The following SLC25A25 variants were observed in gnomAD, a reference collection of about 807,000 sequenced individuals.
SLC25A25 encodes mitochondrial adenyl nucleotide antiporter SLC25A25.
A neutral mutation model predicts 57.7 loss-of-function variants in SLC25A25; 32 were observed. The observed-to-expected ratio is 0.55, with a 90% CI of 0.42 to 0.74. The LOEUF is 0.74. Ranked by LOEUF, SLC25A25 falls within the 30% of genes least tolerant of loss-of-function variation. The pLI, the probability that SLC25A25 is intolerant of heterozygous loss-of-function variation, is 0.00. For missense variants in SLC25A25, 556 were observed against 701.3 expected (o/e 0.79, Z 2.34); for synonymous variants, 306 against 291.2 (o/e 1.05, Z -0.52).
At position 128,101,542 on chromosome 9, in the gene SLC25A25, G is replaced by A; in HGVS notation, c.476+146G>A. The stretch of plus-strand genomic sequence containing the variant: ...GATGAATAAGTAACCCCTGTGGGAG[G>A]CCAGCCCCTCCCCAGGGTTGCAGGC... On this transcript the variant is annotated intron_variant, in intron 3 of 10. Transcript: ENST00000373069. The surrounding 1 kb of genome is among the most constrained non-coding windows in gnomAD (Gnocchi z 4.9). 2 of 826,954 alleles carry A rather than the reference G, an allele frequency of 2.4e-6. No individual in the cohort carries two copies. The highest frequency in any genetic ancestry group is 3.8e-6 in the Non-Finnish European group (2 of 531,832). The allele number at this position is 826,954 out of a possible 1,614,324, so 51.2% of individuals were successfully genotyped here. A position where few individuals can be genotyped will look rare whatever the true frequency, so the allele number is the denominator to read the frequency against.
chr9:128,107,000 G>T lies in SLC25A25; in HGVS notation c.1213-29G>T, dbSNP rs980111970. The T allele has an allele frequency of 6.8e-6, 11 of 1,608,814 alleles. No homozygotes were observed. In the African/African-American group the frequency reaches 1.5e-4, roughly 21 times the overall value. On this transcript the variant is annotated intron_variant, in intron 9 of 10. Transcript: ENST00000373069. Reference sequence around the variant, plus strand: ...TGCTGCCTCACTAGCCCTTCCTAGGGCTTATCCCATGCTCCCTTCTCCTTC... The same window carrying T: ...TGCTGCCTCACTAGCCCTTCCTAGGTCTTATCCCATGCTCCCTTCTCCTTC...
At position 128,070,549 on chromosome 9, in the gene SLC25A25, G is replaced by GT. The variant is rs772468272; in HGVS notation, c.261+1977dup. ...AGCCACCGCACCCGGCTAGAGACAG[G>GT]TTTTTTTTGTTTTGTTTTGTTTTGT... On this transcript the variant is annotated intron_variant, in intron 1 of 10. Coordinates refer to ENST00000373069, the MANE Select transcript of SLC25A25 (RefSeq NM_001330988.2). 2.1e-4 allele frequency among the ~76,000 whole-genome samples: 32 copies of GT among 151,644 alleles called. 1 individual carries two copies. The Middle Eastern group carries it at 0.02, about 97-fold the overall frequency.
intron 1 of SLC25A25, chr9:128,091,734 C>T: frequency 6.8e-7 from 1 of 1,465,084 alleles, no homozygotes; most frequent in Non-Finnish European, 9.0e-7. Flanking sequence ...CAGGAAACCG[C>T]CCCTGCATGC....
Position 128,068,375 on chromosome 9 carries a change from C to G in SLC25A25, c.56C>G (p.Ala19Gly). Residue 19 changes from alanine (A) to glycine (G), a missense_variant, in exon 1 of 11, where the codon GCC becomes GGC. Ala to Gly is a moderately conservative substitution (Grantham distance 60). Around this residue, in one of 3 missense-constraint regions of SLC25A25, gnomAD observed 248 missense variants for 273.5 expected, o/e 0.91. Coordinates refer to ENST00000373069, the MANE Select transcript of SLC25A25 (RefSeq NM_001330988.2). ...GCCTCCCCGCCGCCGGACGCCGCCGCCACCGCCGCCTCTTCGTCTGCCTCA... is the reference window on the plus strand; with the variant it reads ...GCCTCCCCGCCGCCGGACGCCGCCGGCACCGCCGCCTCTTCGTCTGCCTCA... ...CVASPPPDAAATAASSSASSP... is the reference protein window; with the variant it reads ...CVASPPPDAAGTAASSSASSP... 3 of 1,548,078 alleles carry G rather than the reference C, an allele frequency of 1.9e-6. No homozygotes were observed. The highest frequency in any genetic ancestry group is 2.6e-6 in the Non-Finnish European group (3 of 1,155,932).
Position 128,107,047 on chromosome 9 carries a change from C to CTGCA in SLC25A25, c.1232_1235dup (p.Gln412HisfsTer48). Reference sequence around the variant, plus strand: ...CTTCTAGACGCTCAAGAATGCCTGGCTGCAGCACTATGCAGTGAACAGCGC... The same window carrying CTGCA: ...CTTCTAGACGCTCAAGAATGCCTGGCTGCATGCAGCACTATGCAGTGAACAGCGC... On this transcript the variant is annotated frameshift_variant, in exon 10 of 11. Transcript: ENST00000373069. LOFTEE classifies it high-confidence loss of function. The CTGCA allele has an allele frequency of 6.2e-7, 1 of 1,614,038 alleles. No individual in the cohort carries two copies. Among genetic ancestry groups the CTGCA allele is most frequent in the Non-Finnish European group, 8.5e-7 (1 of 1,179,946 alleles).
chr9:128,082,368 G>C (rs1833174115), intron 1 of SLC25A25, among the ~76,000 whole-genome samples: 1 of 152,122 alleles, frequency 6.6e-6, no homozygotes, highest in Non-Finnish European at 1.5e-5. Flanking sequence ...AATTGTTGCT[G>C]AGTCACATCA....
intron 1 of SLC25A25, among the ~76,000 whole-genome samples, chr9:128,072,623 C>T (rs1034671845): frequency 6.6e-6 from 1 of 152,042 alleles, no homozygotes; most frequent in African/African-American, 2.4e-5. Context: ...TGGAAGTGGG[C>T]AGAGAAACCG....
In SLC25A25 at chr9:128,107,624, C is replaced by T. The variant is rs1189903596; in HGVS notation, c.*180C>T. On this transcript the variant is annotated 3_prime_UTR_variant, in exon 11 of 11. Coordinates refer to ENST00000373069, the MANE Select transcript of SLC25A25 (RefSeq NM_001330988.2). ...CAGGCCCAGGGCTTGTCCTGCTGAC[C>T]CCAGCAGACCCTCCTGTTGGTTCCA... 5 of 593,814 alleles carry T rather than the reference C, an allele frequency of 8.4e-6. No homozygotes were observed. The highest frequency in any genetic ancestry group is 1.3e-5 in the Non-Finnish European group (5 of 375,876). The allele number at this position is 593,814 out of a possible 1,614,324, so 36.8% of individuals were successfully genotyped here.
intron 1 of SLC25A25, chr9:128,091,405 C>A (rs1443769388): frequency 1.0e-6 from 1 of 983,406 alleles, no homozygotes; most frequent in Non-Finnish European, 1.2e-6. Context: ...GGTGATTGGC[C>A]GGGCTCTGCT....
At chr9:128,071,769 T>C (rs934690170) in intron 1 of SLC25A25, among the ~76,000 whole-genome samples, 1 of 151,470 alleles carries the variant, frequency 6.6e-6, no homozygotes, top group African/African-American at 2.4e-5. Context: ...CAGGCTGGAG[T>C]GCGATGGTGT....
At chr9:128,072,867 C>A (rs1832936801) in intron 1 of SLC25A25, among the ~76,000 whole-genome samples, 1 of 152,180 alleles carries the variant, frequency 6.6e-6, no homozygotes, top group Admixed American at 6.5e-5. Flanking sequence ...TAGGTTAGAA[C>A]TCAGGCAGCC....
rs773753420 is a variant in SLC25A25 at position 128,103,414 on chromosome 9, C to G, written c.625-267C>G. ...GCTCCCTGGCAGCATTGGAAAGGGC[C>G]GGTGAATGGTTTTCTAACCGGCACC... On this transcript the variant is annotated intron_variant, in intron 5 of 10. Coordinates refer to ENST00000373069, the MANE Select transcript of SLC25A25 (RefSeq NM_001330988.2). The surrounding 1 kb of genome is among the most constrained non-coding windows in gnomAD (Gnocchi z 6.7). Among the ~76,000 whole-genome samples, 1 of 152,194 alleles carries G rather than the reference C, an allele frequency of 6.6e-6. No homozygotes were observed. Among genetic ancestry groups the G allele is most frequent in the Non-Finnish European group, 1.5e-5 (1 of 68,030 alleles).
chr9:128,083,100 C>T (rs927367717), intron 1 of SLC25A25, among the ~76,000 whole-genome samples: 5 of 151,802 alleles, frequency 3.3e-5, no homozygotes, highest in Admixed American at 1.3e-4. Flanking sequence ...TTGTGGCGGG[C>T]GCCTGTAGTC....
At chr9:128,106,012 C>A in intron 7 of SLC25A25, 131 bp downstream of exon 7, 1 of 1,521,548 alleles carries the variant, frequency 6.6e-7, no homozygotes, top group Non-Finnish European at 9.0e-7. Flanking sequence ...CAGGGCGAGG[C>A]AGGAGGCCCA....
chr9:128,097,928 G>A (rs979365275), intron 1 of SLC25A25, among the ~76,000 whole-genome samples: 2 of 152,186 alleles, frequency 1.3e-5, no homozygotes, highest in Non-Finnish European at 2.9e-5. Flanking sequence ...GCCTGGAGCC[G>A]TGTGTGGCCA....
At chr9:128,075,193 G>A (rs1425785740) in intron 1 of SLC25A25, among the ~76,000 whole-genome samples, 2 of 152,144 alleles carry the variant, frequency 1.3e-5, no homozygotes, top group Non-Finnish European at 2.9e-5. Flanking sequence ...CTGTAGTCTA[G>A]CTACTCGGGA....
At chr9:128,098,884 G>A (rs769445260) in intron 1 of SLC25A25, 84 of 985,328 alleles carry the variant, frequency 8.5e-5, no homozygotes, top group Non-Finnish European at 9.3e-5. Flanking sequence ...GCACGTGTAC[G>A]TCACAGGAGT....
chr9:128,087,081 G>T (rs1250838187), intron 1 of SLC25A25, among the ~76,000 whole-genome samples: 2 of 151,918 alleles, frequency 1.3e-5, no homozygotes, highest in Non-Finnish European at 2.9e-5. Flanking sequence ...TGGGTATGGT[G>T]GCGGGTGCCT....
At chr9:128,078,628 C>T (rs948044487) in intron 1 of SLC25A25, among the ~76,000 whole-genome samples, 6 of 152,228 alleles carry the variant, frequency 3.9e-5, no homozygotes, top group African/African-American at 1.4e-4. Context: ...CTGTTGCCCT[C>T]TCAGAAGCCG....
Sources: gnomAD v4.1 joint callset for allele counts (sites outside exome capture counted in the v4.1 genomes callset) on GRCh38, gnomAD v4.1.1 for gene constraint, gnomAD v4.1.1 regional missense constraint, Gnocchi (gnomAD v3.1) non-coding constraint, MANE v1.5 for transcripts, NCBI Gene and HGNC (gene_info 2026-07-23, HGNC 2026-07-21) for gene names.